Variants in SDK1 observed in about 807,000 individuals in gnomAD.
SDK1 encodes sidekick cell adhesion molecule 1.
A neutral mutation model predicts 245.5 loss-of-function variants in SDK1; 157 were observed. The ratio of observed to expected loss-of-function variants is 0.64; its 90% CI spans 0.56 to 0.73. The LOEUF (loss-of-function observed/expected upper bound fraction) is 0.73, where lower values mean the gene tolerates loss of function less well. Among genes scored for constraint, SDK1 ranks in the 30% least tolerant of loss-of-function variants. SDK1 has a pLI of 0.00. For missense variants in SDK1, 3,583 were observed against 3,002.3 expected (o/e 1.19, Z -4.52); for synonymous variants, 1,647 against 1,278.5 (o/e 1.29, Z -6.15).
intron 4 of SDK1, among the ~76,000 whole-genome samples, chr7:3,748,328 G>A (rs1230682003): frequency 6.6e-6 from 1 of 152,060 alleles, no homozygotes; most frequent in Non-Finnish European, 1.5e-5. Flanking sequence ...AAATGAATAG[G>A]TGTTACTGTT....
intron 4 of SDK1, among the ~76,000 whole-genome samples, chr7:3,735,440 C>G (rs746971057): frequency 1.3e-5 from 2 of 152,114 alleles, no homozygotes; most frequent in Non-Finnish European, 2.9e-5. Flanking sequence ...GTGTGACAGA[C>G]TTATTTCACT....
At chr7:3,730,434 A>G (rs1056638447) in intron 4 of SDK1, among the ~76,000 whole-genome samples, 3 of 152,162 alleles carry the variant, frequency 2.0e-5, no homozygotes, top group African/African-American at 7.2e-5. Flanking sequence ...ATCTGTGTCT[A>G]CTTTTTCAAA....
At chr7:4,265,016 G>A (rs908781407) in intron 44 of SDK1, 108 bp from the exon 45 acceptor site, 14 of 1,486,474 alleles carry the variant, frequency 9.4e-6, no homozygotes, top group Middle Eastern at 2.4e-4. Context: ...GCTGGAGACC[G>A]CGACACACGC....
intron 7 of SDK1, among the ~76,000 whole-genome samples, chr7:3,955,600 G>A (rs1336011249): frequency 3.3e-5 from 5 of 152,310 alleles, no homozygotes; most frequent in Non-Finnish European, 5.9e-5. Flanking sequence ...GAGGGCATGC[G>A]TGGGACATGC....
At chr7:4,161,692 C>T in intron 31 of SDK1, 94 bp from the exon 32 acceptor site, 2 of 1,005,656 alleles carry the variant, frequency 2.0e-6, no homozygotes, top group Non-Finnish European at 3.1e-6. Context: ...GCAGGGCTCA[C>T]CAGCCTCCCC....
chr7:3,320,898 A>G (rs1230836905), intron 1 of SDK1, among the ~76,000 whole-genome samples: 3 of 98,544 alleles, frequency 3.0e-5, no homozygotes, highest in Admixed American at 9.0e-5. Flanking sequence ...AATGTGGGTT[A>G]AAAAAAAAAT....
In SDK1 at chr7:3,581,942, TG is replaced by T. The variant is rs1233749082; in HGVS notation, c.299-37137del. On this transcript the variant is annotated intron_variant, in intron 1 of 44. Transcript: ENST00000404826. ...ATTCTCGTCAGTGGGAGCTAAATGATGAGAACACATGGCCACATAGAGGGGA... is the reference window on the plus strand; with the variant it reads ...ATTCTCGTCAGTGGGAGCTAAATGATAGAACACATGGCCACATAGAGGGGA... Among the ~76,000 whole-genome samples, 5 of 152,322 alleles carry T rather than the reference TG, an allele frequency of 3.3e-5. No individual in the cohort carries two copies. In the East Asian group the frequency reaches 9.6e-4, roughly 29 times the overall value.
Position 4,074,900 on chromosome 7 carries a change from A to G in SDK1, c.3011-2098A>G, listed in dbSNP as rs1418486584. On this transcript the variant is annotated intron_variant, in intron 20 of 44. Transcript: ENST00000404826. ...TCTCTCTCTCTGTATATATATATAT[A>G]TATATATATATATATATTTTTTTTT... 2.0e-3 allele frequency among the ~76,000 whole-genome samples: 117 copies of G among 59,436 alleles called. 2 individuals carry two copies. Among genetic ancestry groups the G allele is most frequent in the African/African-American group, 0.014 (92 of 6,766 alleles). The allele number at this position is 59,436 out of a possible 152,430, so 39.0% of individuals were successfully genotyped here.
intron 4 of SDK1, among the ~76,000 whole-genome samples, chr7:3,743,619 A>G (rs1306749634): frequency 3.3e-5 from 5 of 152,342 alleles, no homozygotes; most frequent in South Asian, 2.1e-4. Flanking sequence ...ACTGCAAACA[A>G]TTAAACTAGT....
intron 5 of SDK1, among the ~76,000 whole-genome samples, chr7:3,854,794 A>C (rs775063902): frequency 6.6e-6 from 1 of 152,206 alleles, no homozygotes; most frequent in African/African-American, 2.4e-5. Context: ...AACAACAAAA[A>C]AGATAGGTAC....
chr7:3,715,908 G>T (rs1019450206), intron 4 of SDK1, among the ~76,000 whole-genome samples: 23 of 152,024 alleles, frequency 1.5e-4, no homozygotes, highest in African/African-American at 5.6e-4. Flanking sequence ...CATTCTCCTT[G>T]AACAAATGAA....
Position 3,794,161 on chromosome 7 carries a change from A to C in SDK1, c.714-27289A>C, listed in dbSNP as rs368639488. 8.5e-5 allele frequency among the ~76,000 whole-genome samples: 13 copies of C among 152,302 alleles called. No individual in the cohort carries two copies. The South Asian group carries it at 1.9e-3, about 22-fold the overall frequency. Reference sequence around the variant, plus strand: ...ATGAGGTATTTCAGATATGCAAAGCAAGTATAAAGGAGAACGGCGTGAATG... The same window carrying C: ...ATGAGGTATTTCAGATATGCAAAGCCAGTATAAAGGAGAACGGCGTGAATG... On this transcript the variant is annotated intron_variant, in intron 4 of 44. Coordinates refer to ENST00000404826, the MANE Select transcript of SDK1 (RefSeq NM_152744.4).
At chr7:4,022,538 G>A (rs1431433968) in intron 17 of SDK1, among the ~76,000 whole-genome samples, 1 of 152,180 alleles carries the variant, frequency 6.6e-6, no homozygotes, top group East Asian at 1.9e-4. Flanking sequence ...GGCTGAGGGA[G>A]GGAAGGGCAT....
chr7:4,160,709 C>A (rs1438562007), intron 31 of SDK1, among the ~76,000 whole-genome samples: 1 of 152,192 alleles, frequency 6.6e-6, no homozygotes, highest in Non-Finnish European at 1.5e-5. Context: ...CCTGTAATGG[C>A]ACCGCTGTAT....
chr7:3,449,161 T>C lies in SDK1; in HGVS notation c.298+147277T>C, dbSNP rs1056041923. On this transcript the variant is annotated intron_variant, in intron 1 of 44. Coordinates refer to ENST00000404826, the MANE Select transcript of SDK1 (RefSeq NM_152744.4). ...ACAACATAAGCTCTGTAGGAATGGT[T>C]CTCCAAGTAAAGCTGTGTGTCACGT... Among the ~76,000 whole-genome samples, 18 of 152,184 alleles carry C rather than the reference T, an allele frequency of 1.2e-4. 1 individual carries two copies. The highest frequency in any genetic ancestry group is 1.0e-3 in the Admixed American group (16 of 15,278).
intron 7 of SDK1, among the ~76,000 whole-genome samples, chr7:3,953,674 G>T (rs1012802271): frequency 4.6e-5 from 7 of 152,242 alleles, no homozygotes; most frequent in Admixed American, 6.5e-5. Flanking sequence ...TGTTTGTTTC[G>T]ATCATCATTC....
intron 1 of SDK1, among the ~76,000 whole-genome samples, chr7:3,514,403 T>C (rs1198382722): frequency 2.0e-5 from 3 of 152,204 alleles, no homozygotes; most frequent in Non-Finnish European, 4.4e-5. Flanking sequence ...TGATGAACTA[T>C]TACTGTTTTT....
intron 5 of SDK1, among the ~76,000 whole-genome samples, chr7:3,946,935 T>A (rs1780600068): frequency 6.6e-6 from 1 of 152,236 alleles, no homozygotes; most frequent in Non-Finnish European, 1.5e-5. Flanking sequence ...TTTCTCTATT[T>A]AGCCCTTTGT....
intron 4 of SDK1, among the ~76,000 whole-genome samples, chr7:3,795,611 C>A (rs1486604152): frequency 6.6e-6 from 1 of 152,032 alleles, no homozygotes; most frequent in Admixed American, 6.6e-5. Context: ...CATTCTCTTT[C>A]TTATTTATCG....
Sources: gnomAD v4.1 joint callset for allele counts (sites outside exome capture counted in the v4.1 genomes callset) on GRCh38, gnomAD v4.1.1 for gene constraint, MANE v1.5 for transcripts, NCBI Gene and HGNC (gene_info 2026-07-23, HGNC 2026-07-21) for gene names.